RYR2: variants seen among roughly 807,000 people sequenced by gnomAD.
RYR2 encodes ryanodine receptor 2.
A neutral mutation model predicts 601.1 loss-of-function variants in RYR2; 227 were observed. The observed-to-expected ratio is 0.38, with a 90% CI of 0.34 to 0.42. The LOEUF (loss-of-function observed/expected upper bound fraction) is 0.42. Ranked by LOEUF, RYR2 falls within the 10% of genes least tolerant of loss-of-function variation. The probability of loss-of-function intolerance (pLI) is 1.00; values close to 1 mark genes in which losing one functional copy is unlikely to be tolerated. For missense variants in RYR2, 4,646 were observed against 6,156.5 expected, an observed-to-expected ratio of 0.75 and a Z score of 8.21; for synonymous variants, 2,223 against 2,175.1, an observed-to-expected ratio of 1.02 and a Z score of -0.61.
chr1:237,386,271 T>C (rs1701949818), intron 8 of RYR2, among the ~76,000 whole-genome samples: 1 of 152,150 alleles, frequency 6.6e-6, no homozygotes, highest in South Asian at 2.1e-4. Context: ...AGAAAGAGAG[T>C]GAACGACCTC....
intron 10 of RYR2, among the ~76,000 whole-genome samples, chr1:237,401,613 C>G (rs749066610): frequency 6.6e-6 from 1 of 152,206 alleles, no homozygotes; most frequent in African/African-American, 2.4e-5. Context: ...CCTCTTAGCA[C>G]ATAAATGTGT....
intron 1 of RYR2, among the ~76,000 whole-genome samples, chr1:237,060,968 C>T (rs1039142785): frequency 6.6e-6 from 1 of 152,194 alleles, no homozygotes; most frequent in African/African-American, 2.4e-5. Flanking sequence ...CTTCTAAACA[C>T]TTTTCCAAAG....
chr1:237,589,827 A>G lies in RYR2; in HGVS notation c.3633A>G (p.Gln1211=), dbSNP rs773741650. 4 of 1,613,838 alleles carry G rather than the reference A, an allele frequency of 2.5e-6. No homozygotes were observed. The highest frequency in any genetic ancestry group is 1.1e-5 in the South Asian group (1 of 91,086). Residue 1211 remains glutamine (Q), a synonymous_variant, in exon 30 of 105, where the codon CAA becomes CAG. Transcript: ENST00000366574. ...FIPVCSLGVA[Q]VGRMNFGKDV... is the part of the protein sequence containing the mutation. The stretch of plus-strand genomic sequence containing the variant: ...CTGTGTGTAGCCTTGGAGTGGCTCA[A>G]GTGGGTAGGATGAACTTTGGAAAGG...
At position 237,610,974 on chromosome 1, in the gene RYR2, C is replaced by A. The variant is rs774843627; in HGVS notation, c.4896C>A (p.Ile1632=). ...CTCTGCAGTTCATGTCTCTTCATAT[C>A]CCTGAGGAAAACAGGTCAGCCCCAG... ...LDPLQFMSLH[I]PEENRSVDIL... is the part of the protein sequence containing the mutation. The change falls in exon 36 of 105, where the codon ATC becomes ATA. Residue 1632 remains isoleucine, a synonymous_variant. Coordinates refer to ENST00000366574, the MANE Select transcript of RYR2 (RefSeq NM_001035.3). The surrounding 1 kb of genome is among the most constrained non-coding windows in gnomAD (Gnocchi z 4.9). 3 of 1,612,360 alleles carry A rather than the reference C, an allele frequency of 1.9e-6. No individual in the cohort carries two copies. The highest frequency in any genetic ancestry group is 3.3e-5 in the Admixed American group (2 of 59,836).
intron 92 of RYR2, among the ~76,000 whole-genome samples, chr1:237,790,196 C>A (rs1440287724): frequency 4.6e-5 from 7 of 152,130 alleles, no homozygotes; most frequent in African/African-American, 1.7e-4. Flanking sequence ...TTTTTCCCAG[C>A]CCAATAAATT....
intron 1 of RYR2, among the ~76,000 whole-genome samples, chr1:237,197,534 T>C (rs528065241): frequency 9.9e-5 from 15 of 152,166 alleles, no homozygotes; most frequent in Non-Finnish European, 1.9e-4. Context: ...TTTATCACAA[T>C]GAGGAAAAGG....
chr1:237,328,506 G>C (rs1423653963), intron 2 of RYR2, among the ~76,000 whole-genome samples: 2 of 152,026 alleles, frequency 1.3e-5, no homozygotes, highest in African/African-American at 4.8e-5. Context: ...CTCTTTGCTG[G>C]CTGAAATTGT....
chr1:237,649,432 G>C (rs1385710519), intron 49 of RYR2, among the ~76,000 whole-genome samples: 1 of 152,094 alleles, frequency 6.6e-6, no homozygotes, highest in Non-Finnish European at 1.5e-5. Flanking sequence ...TTATCCTTTG[G>C]TTATTGGTGC....
At chr1:237,502,362 G>C (rs911689079) in intron 21 of RYR2, among the ~76,000 whole-genome samples, 1 of 152,102 alleles carries the variant, frequency 6.6e-6, no homozygotes, top group Non-Finnish European at 1.5e-5. Context: ...AACAATTAGC[G>C]ATAAGGTTAC....
chr1:237,075,299 C>T (rs567375026), intron 1 of RYR2, among the ~76,000 whole-genome samples: 28 of 152,004 alleles, frequency 1.8e-4, no homozygotes, highest in African/African-American at 3.9e-4. Context: ...GGAACAGCTC[C>T]GGTCTACAGC....
At chr1:237,352,834 T>G (rs1465929460) in intron 3 of RYR2, 1 of 512,868 alleles carries the variant, frequency 1.9e-6, no homozygotes, top group Non-Finnish European at 3.9e-6. Context: ...AAAGATTTAT[T>G]TTTTAATAAA....
At chr1:237,581,180 G>A in intron 29 of RYR2, among the ~76,000 whole-genome samples, 1 of 152,204 alleles carries the variant, frequency 6.6e-6, no homozygotes, top group East Asian at 1.9e-4. Flanking sequence ...TATGGTAAAA[G>A]AACGGTTATT....
intron 75 of RYR2, among the ~76,000 whole-genome samples, chr1:237,726,689 AT>A (rs2149140589): frequency 6.6e-6 from 1 of 152,224 alleles, no homozygotes; most frequent in Admixed American, 6.5e-5. Flanking sequence ...ATGAGGTAAT[AT>A]TTTATGTAGG....
intron 73 of RYR2, among the ~76,000 whole-genome samples, chr1:237,719,718 T>C (rs548384286): frequency 2.0e-4 from 30 of 151,718 alleles, no homozygotes; most frequent in African/African-American, 5.8e-4. Flanking sequence ...AAACCACTTA[T>C]GAAAGTTTTG....
intron 1 of RYR2, among the ~76,000 whole-genome samples, chr1:237,174,790 C>T (rs1677829390): frequency 6.6e-6 from 1 of 152,216 alleles, no homozygotes; most frequent in African/African-American, 2.4e-5. Flanking sequence ...AATACTCCAA[C>T]AATGACACAG....
intron 84 of RYR2, among the ~76,000 whole-genome samples, chr1:237,761,537 G>C (rs1324414164): frequency 6.6e-6 from 1 of 152,104 alleles, no homozygotes; most frequent in Non-Finnish European, 1.5e-5. Context: ...ATTGATGAAA[G>C]AAATTAGAGA....
intron 62 of RYR2, among the ~76,000 whole-genome samples, chr1:237,686,621 A>C (rs1295355895): frequency 6.6e-6 from 1 of 152,130 alleles, no homozygotes; most frequent in Non-Finnish European, 1.5e-5. Context: ...TGGTGAAAAG[A>C]AAGGACAAAC....
chr1:237,750,322 C>A (rs1692439848), intron 80 of RYR2, among the ~76,000 whole-genome samples: 1 of 151,800 alleles, frequency 6.6e-6, no homozygotes, highest in South Asian at 2.1e-4. Context: ...AGAAAGAAAC[C>A]CATGCCATGG....
In RYR2 at chr1:237,610,800, G is replaced by A. The variant is rs2148572631; in HGVS notation, c.4722G>A (p.Glu1574=). The change falls in exon 36 of 105, where the codon GAG becomes GAA. Residue 1574 remains glutamate (E), a synonymous_variant. Coordinates refer to ENST00000366574, the MANE Select transcript of RYR2 (RefSeq NM_001035.3). This position sits in a 1 kb window ranked among gnomAD's most constrained non-coding sequence, Gnocchi z 4.9. ...MPLSAGLFKS[E]HKNPVPQCPP... is the part of the protein sequence containing the mutation. ...TCTCGGCGGGATTATTCAAGAGTGA[G>A]CACAAGAACCCCGTGCCGCAGTGCC... is the stretch of plus-strand genomic sequence containing the variant. 1 of 1,610,052 alleles carries A rather than the reference G, an allele frequency of 6.2e-7. No individual in the cohort carries two copies. The highest frequency in any genetic ancestry group is 8.5e-7 in the Non-Finnish European group (1 of 1,178,496).
Sources: allele counts gnomAD v4.1 joint callset (sites outside exome capture counted in the v4.1 genomes callset), GRCh38; gene constraint gnomAD v4.1.1; non-coding constraint Gnocchi (gnomAD v3.1); transcripts MANE v1.5; gene names NCBI Gene and HGNC (gene_info 2026-07-23, HGNC 2026-07-21).